The following EHMT1 variants were observed in gnomAD, a reference collection of about 807,000 sequenced individuals.
The protein encoded by EHMT1 is euchromatic histone lysine methyltransferase 1, also known as histone-lysine N-methyltransferase EHMT1.
A neutral mutation model predicts 147.2 loss-of-function variants in EHMT1; 15 were observed. The observed-to-expected ratio is 0.10, with a 90% CI of 0.07 to 0.16. EHMT1 has a LOEUF of 0.16. Among genes scored for constraint, EHMT1 ranks in the 10% least tolerant of loss-of-function variants. The pLI, the probability that EHMT1 is intolerant of heterozygous loss-of-function variation, is 1.00. For missense variants in EHMT1, 1,587 were observed against 1,772.4 expected (o/e 0.90, Z 1.88); for synonymous variants, 795 against 709.6 (o/e 1.12, Z -1.91).
intron 4 of EHMT1, among the ~76,000 whole-genome samples, chr9:137,730,179 G>A (rs1000470480): frequency 6.6e-6 from 1 of 152,152 alleles, no homozygotes; most frequent in African/African-American, 2.4e-5. Context: ...GAATTGTGGT[G>A]GTTTTTTGTC....
intron 26 of EHMT1, 84 bp from the exon 27 acceptor site, chr9:137,834,689 G>C (rs191408763): frequency 6.2e-7 from 1 of 1,607,518 alleles, no homozygotes; most frequent in Admixed American, 1.7e-5. Context: ...GGGTGAGGAA[G>C]CTTTGGCCTT....
chr9:137,826,521 A>G (rs1955822546), intron 25 of EHMT1, among the ~76,000 whole-genome samples: 1 of 152,112 alleles, frequency 6.6e-6, no homozygotes, highest in Non-Finnish European at 1.5e-5. Flanking sequence ...AACACCATAG[A>G]CTGCACAACA....
At chr9:137,683,407 A>G (rs1942151454) in intron 1 of EHMT1, among the ~76,000 whole-genome samples, 2 of 152,282 alleles carry the variant, frequency 1.3e-5, no homozygotes, top group South Asian at 2.1e-4. Flanking sequence ...TTTAACATTC[A>G]TGTATAACCT....
At chr9:137,647,676 C>T (rs1043125233) in intron 1 of EHMT1, among the ~76,000 whole-genome samples, 5 of 149,248 alleles carry the variant, frequency 3.4e-5, no homozygotes, top group Admixed American at 2.7e-4. Context: ...CTTACTGAAA[C>T]CTCCGCCTCC....
chr9:137,831,240 C>T (rs560062165), intron 25 of EHMT1, among the ~76,000 whole-genome samples: 31 of 152,236 alleles, frequency 2.0e-4, no homozygotes, highest in Non-Finnish European at 3.5e-4. Context: ...CAGCAGAAAT[C>T]GAGAAAAAAT....
intron 1 of EHMT1, among the ~76,000 whole-genome samples, chr9:137,643,626 G>A (rs1041646309): frequency 2.0e-5 from 3 of 152,132 alleles, no homozygotes; most frequent in South Asian, 2.1e-4. Context: ...GGGATTACAG[G>A]CGTGAGCCAC....
intron 21 of EHMT1, among the ~76,000 whole-genome samples, chr9:137,814,098 G>T (rs1954733815): frequency 7.9e-6 from 1 of 126,394 alleles, no homozygotes; most frequent in Admixed American, 1.1e-4. Context: ...GGTGTGTCAG[G>T]CTCTGTGTTC....
intron 18 of EHMT1, among the ~76,000 whole-genome samples, chr9:137,803,619 C>A (rs1953682132): frequency 6.6e-6 from 1 of 152,140 alleles, no homozygotes; most frequent in African/African-American, 2.4e-5. Flanking sequence ...CTCATGCCTT[C>A]ATTTTTCTTG....
intron 6 of EHMT1, among the ~76,000 whole-genome samples, chr9:137,750,559 GTTA>G (rs1042414874): frequency 6.6e-6 from 1 of 152,232 alleles, no homozygotes; most frequent in Non-Finnish European, 1.5e-5. Context: ...CCTAGAGAGA[GTTA>G]TTATTTGCCT....
chr9:137,792,115 T>C (rs1952570804), intron 16 of EHMT1: 2 of 469,950 alleles, frequency 4.3e-6, no homozygotes, highest in African/African-American at 4.0e-5. Flanking sequence ...CCAAACAATT[T>C]TGTGAAAGAA....
chr9:137,783,626 T>C (rs1268662988), intron 15 of EHMT1, among the ~76,000 whole-genome samples: 3 of 152,228 alleles, frequency 2.0e-5, no homozygotes, highest in African/African-American at 7.2e-5. Context: ...TTGTCAGCTG[T>C]AGGGTGATCT....
intron 1 of EHMT1, among the ~76,000 whole-genome samples, chr9:137,657,885 GCC>G (rs1938642471): frequency 6.6e-6 from 1 of 150,934 alleles, no homozygotes; most frequent in Non-Finnish European, 1.5e-5. Flanking sequence ...ACAAGTGATA[GCC>G]CCTAGACGTC....
intron 15 of EHMT1, chr9:137,785,447 C>A: frequency 6.5e-6 from 1 of 153,968 alleles, no homozygotes; most frequent in Non-Finnish European, 1.5e-5. Context: ...GTGCTGAGCC[C>A]GTGAGGGTGG....
At chr9:137,765,995 A>G (rs1950192920) in intron 10 of EHMT1, among the ~76,000 whole-genome samples, 1 of 152,112 alleles carries the variant, frequency 6.6e-6, no homozygotes, top group East Asian at 1.9e-4. Flanking sequence ...GGCCGGGTGC[A>G]GTAGCTCATG....
intron 3 of EHMT1, among the ~76,000 whole-genome samples, chr9:137,722,210 G>T (rs573436412): frequency 1.3e-5 from 2 of 151,988 alleles, no homozygotes; most frequent in African/African-American, 2.4e-5. Context: ...ATTTTTATTC[G>T]TGAGGATCTT....
rs532455794 is a variant in EHMT1, at chr9:137,801,092, T to C, written c.2712+108T>C. ...AGAACCCTGGCACCTGGTGGCGGCT[T>C]TGACCTCTTCCTGTGGCAGCATCGG... On this transcript the variant is annotated intron_variant, in intron 18 of 26. Coordinates refer to ENST00000460843, the MANE Select transcript of EHMT1 (RefSeq NM_024757.5). 3.1e-5 allele frequency: 29 copies of C among 948,994 alleles called. No homozygotes were observed. The South Asian group carries it at 3.9e-4, about 13-fold the overall frequency. The allele number at this position is 948,994 out of a possible 1,614,324, so 58.8% of individuals were successfully genotyped here.
At chr9:137,665,333 G>T (rs994860252) in intron 1 of EHMT1, among the ~76,000 whole-genome samples, 1 of 152,142 alleles carries the variant, frequency 6.6e-6, no homozygotes, top group African/African-American at 2.4e-5. Context: ...GGCATAGGAG[G>T]TGATGTTTAG....
At chr9:137,771,462 G>T (rs1950578524) in intron 10 of EHMT1, among the ~76,000 whole-genome samples, 1 of 152,120 alleles carries the variant, frequency 6.6e-6, no homozygotes, top group South Asian at 2.1e-4. Flanking sequence ...CGGGTTTACA[G>T]CCGTGAGCCA....
intron 17 of EHMT1, chr9:137,800,494 G>A: frequency 3.7e-6 from 1 of 272,896 alleles, no homozygotes. Context: ...AAGGCTGCTG[G>A]TGCGCTCCGG....
Sources: allele counts gnomAD v4.1 joint callset (sites outside exome capture counted in the v4.1 genomes callset), GRCh38; gene constraint gnomAD v4.1.1; transcripts MANE v1.5; gene names NCBI Gene and HGNC (gene_info 2026-07-23, HGNC 2026-07-21).